Variants in TSPAN9 observed in about 807,000 individuals in gnomAD.
TSPAN9 encodes tetraspanin 9.
A neutral mutation model predicts 31.0 loss-of-function variants in TSPAN9; 16 were observed. The ratio of observed to expected loss-of-function variants is 0.52; its 90% CI spans 0.35 to 0.78. The LOEUF is 0.78. TSPAN9 is among the 30% of genes least tolerant of loss of function. The pLI, the probability that TSPAN9 is intolerant of heterozygous loss-of-function variation, is 0.01. For missense variants in TSPAN9, 272 were observed against 312.5 expected (o/e 0.87, Z 0.98); for synonymous variants, 145 against 121.6 (o/e 1.19, Z -1.27).
At chr12:3,144,884 A>T (rs1012071371) in intron 2 of TSPAN9, among the ~76,000 whole-genome samples, 1 of 152,248 alleles carries the variant, frequency 6.6e-6, no homozygotes. Flanking sequence ...CATTTAAACC[A>T]TAGCTGCTGA....
At chr12:3,079,513 G>C (rs2098296753) in intron 1 of TSPAN9, among the ~76,000 whole-genome samples, 2 of 151,840 alleles carry the variant, frequency 1.3e-5, no homozygotes, top group Non-Finnish European at 2.9e-5. Context: ...CCAGGCTGGA[G>C]TGCGATGGCA....
intron 2 of TSPAN9, among the ~76,000 whole-genome samples, chr12:3,166,214 G>A (rs908531200): frequency 1.3e-5 from 2 of 152,170 alleles, no homozygotes; most frequent in African/African-American, 4.8e-5. Context: ...AATGTATATT[G>A]TAATATTTTT....
At chr12:3,106,013 T>TA (rs1283969820) in intron 2 of TSPAN9, among the ~76,000 whole-genome samples, 1 of 151,750 alleles carries the variant, frequency 6.6e-6, no homozygotes, top group Admixed American at 6.6e-5. Flanking sequence ...CACACTCATA[T>TA]ACCCCCTTAC....
chr12:3,104,445 T>C (rs960936256), intron 2 of TSPAN9, among the ~76,000 whole-genome samples: 1 of 152,016 alleles, frequency 6.6e-6, no homozygotes, highest in Non-Finnish European at 1.5e-5. Flanking sequence ...CTCAACCTCC[T>C]GGGTTCAAGA....
intron 2 of TSPAN9, among the ~76,000 whole-genome samples, chr12:3,099,767 T>C (rs2098310912): frequency 6.6e-6 from 1 of 152,194 alleles, no homozygotes; most frequent in African/African-American, 2.4e-5. Context: ...TAGGGCTCAC[T>C]TAGCCTCACT....
At chr12:3,267,465 G>A (rs569834441) in intron 3 of TSPAN9, among the ~76,000 whole-genome samples, 32 of 152,178 alleles carry the variant, frequency 2.1e-4, no homozygotes, top group Admixed American at 8.5e-4. Flanking sequence ...TCCAAGTCCT[G>A]AGGTCTGGGC....
At chr12:3,198,489 T>TCA (rs771181354) in intron 2 of TSPAN9, among the ~76,000 whole-genome samples, 27 of 69,732 alleles carry the variant, frequency 3.9e-4, no homozygotes, top group African/African-American at 1.7e-3. Flanking sequence ...CCAGCACAGG[T>TCA]CACCAGCACA....
At chr12:3,267,687 T>A (rs1373956570) in intron 3 of TSPAN9, among the ~76,000 whole-genome samples, 1 of 152,164 alleles carries the variant, frequency 6.6e-6, no homozygotes, top group Admixed American at 6.5e-5. Flanking sequence ...GGTTGGAAAA[T>A]CCTTTCTCAG....
intron 3 of TSPAN9, among the ~76,000 whole-genome samples, chr12:3,224,370 T>TG (rs1270898341): frequency 1.3e-4 from 20 of 152,178 alleles, no homozygotes; most frequent in Admixed American, 1.2e-3. Context: ...TAAGAGCCCT[T>TG]GGAGATCTGT....
At chr12:3,149,901 G>A (rs1424573630) in intron 2 of TSPAN9, 2 of 152,260 alleles carry the variant, frequency 1.3e-5, no homozygotes, top group Admixed American at 1.3e-4. Context: ...ATCCCTTGCT[G>A]AACAGATATT....
chr12:3,082,958 C>G (rs769918675), intron 1 of TSPAN9, among the ~76,000 whole-genome samples: 42 of 152,234 alleles, frequency 2.8e-4, no homozygotes, highest in Non-Finnish European at 5.1e-4. Context: ...GAAGCTTGCA[C>G]TTTCTGGCAT....
At chr12:3,215,597 G>A (rs1469372122) in intron 3 of TSPAN9, among the ~76,000 whole-genome samples, 1 of 152,220 alleles carries the variant, frequency 6.6e-6, no homozygotes, top group Admixed American at 6.5e-5. Flanking sequence ...TTGTTCCCTG[G>A]GGAATTTCTC....
At chr12:3,186,820 T>A (rs953813534) in intron 2 of TSPAN9, among the ~76,000 whole-genome samples, 2 of 152,156 alleles carry the variant, frequency 1.3e-5, no homozygotes. Flanking sequence ...GACCTGAGAC[T>A]TTTACTCCTG....
intron 2 of TSPAN9, among the ~76,000 whole-genome samples, chr12:3,165,640 G>A (rs2153969810): frequency 6.6e-6 from 1 of 152,318 alleles, no homozygotes; most frequent in South Asian, 2.1e-4. Flanking sequence ...GCAAAGCTGT[G>A]GGTCTGCTGG....
chr12:3,270,941 T>C (rs1862666295), intron 3 of TSPAN9, among the ~76,000 whole-genome samples: 1 of 152,256 alleles, frequency 6.6e-6, no homozygotes, highest in Non-Finnish European at 1.5e-5. Context: ...AGGAGCTTTA[T>C]AACTGCAGAG....
At chr12:3,098,978 C>G (rs1487341775) in intron 2 of TSPAN9, among the ~76,000 whole-genome samples, 1 of 152,156 alleles carries the variant, frequency 6.6e-6, no homozygotes, top group African/African-American at 2.4e-5. Context: ...GTCTCGAACT[C>G]CTGACCTCAG....
intron 3 of TSPAN9, among the ~76,000 whole-genome samples, chr12:3,234,521 T>C (rs1017777340): frequency 2.0e-5 from 3 of 152,206 alleles, no homozygotes; most frequent in Non-Finnish European, 4.4e-5. Context: ...ACAGGCTACT[T>C]TATCATCTTT....
intron 2 of TSPAN9, among the ~76,000 whole-genome samples, chr12:3,093,204 G>A (rs2098305816): frequency 6.6e-6 from 1 of 152,230 alleles, no homozygotes; most frequent in South Asian, 2.1e-4. Context: ...GAGATGGGAT[G>A]GCAGTCTGGT....
chr12:3,140,582 G>A (rs543206128), intron 2 of TSPAN9, among the ~76,000 whole-genome samples: 1 of 152,286 alleles, frequency 6.6e-6, no homozygotes, highest in South Asian at 2.1e-4. Context: ...TTTAGATTTG[G>A]TATGGGGTGG....
Sources: gnomAD v4.1 joint callset for allele counts (sites outside exome capture counted in the v4.1 genomes callset) on GRCh38, gnomAD v4.1.1 for gene constraint, MANE v1.5 for transcripts, NCBI Gene and HGNC (gene_info 2026-07-23, HGNC 2026-07-21) for gene names.